The following SLC35F1 variants were observed in gnomAD, a reference collection of about 807,000 sequenced individuals.
SLC35F1 encodes the protein solute carrier family 35 member F1, also known as chromosome 6 open reading frame 169.
In SLC35F1, 14 loss-of-function variants were observed where a neutral mutation model predicts 48.7. The observed-to-expected ratio is 0.29, with a 90% confidence interval of 0.19 to 0.45. The LOEUF (loss-of-function observed/expected upper bound fraction) is 0.45, where lower values mean the gene tolerates loss of function less well. Ranked by LOEUF, SLC35F1 falls within the 20% of genes least tolerant of loss-of-function variation. SLC35F1 has a pLI of 1.00. For missense variants in SLC35F1, 404 were observed against 500.0 expected (o/e 0.81, Z 1.83); for synonymous variants, 190 against 202.2 (o/e 0.94, Z 0.51).
intron 1 of SLC35F1, among the ~76,000 whole-genome samples, chr6:118,098,805 A>G (rs1314336543): frequency 1.3e-5 from 2 of 152,184 alleles, no homozygotes; most frequent in Non-Finnish European, 2.9e-5. Flanking sequence ...AAATAAGATA[A>G]GACTTTTAAC....
At chr6:118,150,334 C>A (rs1562306189) in intron 1 of SLC35F1, among the ~76,000 whole-genome samples, 1 of 152,096 alleles carries the variant, frequency 6.6e-6, no homozygotes, top group Non-Finnish European at 1.5e-5. Flanking sequence ...TGTAGCTCCC[C>A]AGTGACAAGG....
At chr6:118,196,728 A>C (rs1774805481) in intron 2 of SLC35F1, among the ~76,000 whole-genome samples, 1 of 152,136 alleles carries the variant, frequency 6.6e-6, no homozygotes, top group Non-Finnish European at 1.5e-5. Flanking sequence ...GTCTCAAAAA[A>C]AATAAATTAA....
chr6:117,932,910 C>G (rs1006655449), intron 1 of SLC35F1, among the ~76,000 whole-genome samples: 1 of 152,136 alleles, frequency 6.6e-6, no homozygotes, highest in Middle Eastern at 3.2e-3. Context: ...TCCCAGATCT[C>G]CCTGATAGAC....
intron 7 of SLC35F1, among the ~76,000 whole-genome samples, chr6:118,291,410 T>C (rs1776121898): frequency 6.6e-6 from 1 of 152,226 alleles, no homozygotes; most frequent in South Asian, 2.1e-4. Flanking sequence ...ACTTGTCTTT[T>C]TATTATTGGG....
At chr6:118,290,705 T>C (rs897819706) in intron 7 of SLC35F1, among the ~76,000 whole-genome samples, 2 of 152,132 alleles carry the variant, frequency 1.3e-5, no homozygotes, top group Non-Finnish European at 2.9e-5. Flanking sequence ...CCTTGGGGTC[T>C]TCAGGTGGAG....
At chr6:117,925,542 A>T (rs1411434011) in intron 1 of SLC35F1, among the ~76,000 whole-genome samples, 2 of 152,160 alleles carry the variant, frequency 1.3e-5, no homozygotes, top group East Asian at 1.9e-4. Flanking sequence ...GGGATAATTA[A>T]TATTCTCTTT....
At chr6:118,136,342 G>T (rs968604476) in intron 1 of SLC35F1, among the ~76,000 whole-genome samples, 1 of 152,206 alleles carries the variant, frequency 6.6e-6, no homozygotes, top group Admixed American at 6.5e-5. Flanking sequence ...ACATAAAGTT[G>T]TCCCTACAGT....
intron 1 of SLC35F1, among the ~76,000 whole-genome samples, chr6:118,063,077 A>G (rs985473758): frequency 1.3e-5 from 2 of 152,148 alleles, no homozygotes; most frequent in Non-Finnish European, 2.9e-5. Flanking sequence ...AAGACTAGAA[A>G]GTTATTGTCT....
rs571653145 is a variant in SLC35F1 at position 118,173,385 on chromosome 6, T to TAAAAAA, written c.349+18770_349+18775dup. 1.2e-4 allele frequency among the ~76,000 whole-genome samples: 16 copies of TAAAAAA among 129,370 alleles called. 1 individual carries two copies. The highest frequency in any genetic ancestry group is 5.3e-4 in the African/African-American group (16 of 30,054). 84.9% of individuals were successfully genotyped at this position (129,370 alleles called of 152,430 possible). A position where few individuals can be genotyped will look rare whatever the true frequency, so the allele number is the denominator to read the frequency against. ...AGAATCCATCATAGAAAGAGTTAGT[T>TAAAAAA]AAAAAAAAAACAAAAAACAAAAAAA... On this transcript the variant is annotated intron_variant, in intron 2 of 7. Coordinates refer to ENST00000360388, the MANE Select transcript of SLC35F1 (RefSeq NM_001029858.4).
At chr6:118,088,520 C>T (rs2114337602) in intron 1 of SLC35F1, among the ~76,000 whole-genome samples, 1 of 152,274 alleles carries the variant, frequency 6.6e-6, no homozygotes, top group South Asian at 2.1e-4. Context: ...CCTCCTTTTA[C>T]CTCATCCACA....
At chr6:118,069,118 A>G (rs944480890) in intron 1 of SLC35F1, among the ~76,000 whole-genome samples, 4 of 152,174 alleles carry the variant, frequency 2.6e-5, no homozygotes, top group African/African-American at 9.6e-5. Flanking sequence ...GTTTTTAATT[A>G]TTATTTCAAA....
chr6:118,197,235 C>T (rs1774814302), intron 2 of SLC35F1, among the ~76,000 whole-genome samples: 1 of 151,862 alleles, frequency 6.6e-6, no homozygotes, highest in African/African-American at 2.4e-5. Context: ...CCCCTTCCAT[C>T]TCTCCCTTCC....
chr6:118,034,092 C>T (rs1487429220), intron 1 of SLC35F1, among the ~76,000 whole-genome samples: 1 of 152,098 alleles, frequency 6.6e-6, no homozygotes, highest in Non-Finnish European at 1.5e-5. Flanking sequence ...CTTTTTAGTA[C>T]TTTTTGCCAT....
At position 118,281,175 on chromosome 6, in the gene SLC35F1, A is replaced by ACTCTCTCT. The variant is rs745677823; in HGVS notation, c.847+3652_847+3659dup. On this transcript the variant is annotated intron_variant, in intron 6 of 7. Transcript: ENST00000360388. The stretch of plus-strand genomic sequence containing the variant: ...ACACATACTTTATATATATATAGTA[A>ACTCTCTCT]CTCTCTCTCTCTCTCTCTCTCTCTC... 3.2e-3 allele frequency among the ~76,000 whole-genome samples: 438 copies of ACTCTCTCT among 137,682 alleles called. 1 individual carries two copies. Among genetic ancestry groups the ACTCTCTCT allele is most frequent in the Non-Finnish European group, 3.9e-3 (255 of 64,616 alleles). The allele number at this position is 137,682 out of a possible 152,430, so 90.3% of individuals were successfully genotyped here.
chr6:117,947,720 G>C (rs1018784301), intron 1 of SLC35F1, among the ~76,000 whole-genome samples: 1 of 152,172 alleles, frequency 6.6e-6, no homozygotes, highest in African/African-American at 2.4e-5. Flanking sequence ...GCAGTGAGCA[G>C]GTGTGGGGGA....
chr6:118,007,653 A>T (rs1562262712), intron 1 of SLC35F1, among the ~76,000 whole-genome samples: 2 of 152,090 alleles, frequency 1.3e-5, no homozygotes, highest in Non-Finnish European at 2.9e-5. Flanking sequence ...ATTTATTAGA[A>T]TTTTTTTGCT....
chr6:118,217,295 T>G (rs1775088292), intron 2 of SLC35F1, among the ~76,000 whole-genome samples: 1 of 152,206 alleles, frequency 6.6e-6, no homozygotes, highest in Admixed American at 6.5e-5. Flanking sequence ...GGAATATTAC[T>G]CAGCCTTAAA....
At chr6:118,089,247 A>G (rs537531947) in intron 1 of SLC35F1, among the ~76,000 whole-genome samples, 2 of 151,826 alleles carry the variant, frequency 1.3e-5, no homozygotes, top group South Asian at 2.1e-4. Context: ...GTGAGGGAGA[A>G]CTTGAAGAGT....
chr6:118,154,218 T>C (rs60972925), intron 1 of SLC35F1, among the ~76,000 whole-genome samples: 1 of 152,148 alleles, frequency 6.6e-6, no homozygotes. Context: ...CCTAGTTACA[T>C]GACTGTGAGC....
Sources: gnomAD v4.1 joint callset for allele counts (sites outside exome capture counted in the v4.1 genomes callset) on GRCh38, gnomAD v4.1.1 for gene constraint, MANE v1.5 for transcripts, NCBI Gene and HGNC (gene_info 2026-07-23, HGNC 2026-07-21) for gene names.